RYR3: variants seen among roughly 807,000 people sequenced by gnomAD.
The protein encoded by RYR3 is brain ryanodine receptor-calcium release channel.
In RYR3, 207 loss-of-function variants were observed where a neutral mutation model predicts 584.3. The observed-to-expected ratio is 0.35, with a 90% CI of 0.32 to 0.40. RYR3 has a LOEUF of 0.40. Among genes scored for constraint, RYR3 ranks in the 10% least tolerant of loss-of-function variants. RYR3 has a pLI of 1.00. For missense variants in RYR3, 5,616 were observed against 6,089.2 expected (o/e 0.92, Z 2.59); for synonymous variants, 2,416 against 2,248.5 (o/e 1.07, Z -2.11).
intron 1 of RYR3, among the ~76,000 whole-genome samples, chr15:33,313,284 A>G (rs769801565): frequency 2.0e-5 from 3 of 152,224 alleles, no homozygotes; most frequent in Non-Finnish European, 2.9e-5. Context: ...TTGACAAGTT[A>G]TTGGTAATTT....
intron 97 of RYR3, 139 bp from the exon 98 acceptor site, chr15:33,854,627 G>C: frequency 8.4e-7 from 1 of 1,187,946 alleles, no homozygotes; most frequent in Non-Finnish European, 1.2e-6. Context: ...TCACTTAGCA[G>C]ATCTTGGGCC....
rs144546292 is a variant in RYR3 at position 33,345,890 on chromosome 15, T to C, written c.51+34794T>C. On this transcript the variant is annotated intron_variant, in intron 1 of 103. Coordinates refer to ENST00000634891, the MANE Select transcript of RYR3 (RefSeq NM_001036.6). ...CCCAGTAAAGCGGTTTGGCATACAT[T>C]TCTCTAAATGCTTTTTTGAATGTAT... Among the ~76,000 whole-genome samples, 4 of 152,350 alleles carry C rather than the reference T, an allele frequency of 2.6e-5. No individual in the cohort carries two copies. The East Asian group carries it at 7.7e-4, about 29-fold the overall frequency.
At chr15:33,813,284 C>T (rs2076643352) in intron 73 of RYR3, among the ~76,000 whole-genome samples, 183 bp from the exon 74 acceptor site, 1 of 152,218 alleles carries the variant, frequency 6.6e-6, no homozygotes, top group Non-Finnish European at 1.5e-5. Context: ...CTAAAAGCAA[C>T]TGGGAGAAAG....
chr15:33,718,018 G>A (rs1055626736), intron 43 of RYR3, among the ~76,000 whole-genome samples: 2 of 152,156 alleles, frequency 1.3e-5, no homozygotes, highest in African/African-American at 4.8e-5. Flanking sequence ...GTTCATACAA[G>A]TTGCCTGGCA....
At chr15:33,759,257 C>G (rs1039817683) in intron 60 of RYR3, among the ~76,000 whole-genome samples, 1 of 152,202 alleles carries the variant, frequency 6.6e-6, no homozygotes, top group Non-Finnish European at 1.5e-5. Context: ...GATCACAACC[C>G]CTCACCAGCA....
At chr15:33,343,334 T>TA (rs957251753) in intron 1 of RYR3, among the ~76,000 whole-genome samples, 5 of 152,154 alleles carry the variant, frequency 3.3e-5, no homozygotes, top group African/African-American at 9.7e-5. Context: ...AAATAAATTT[T>TA]AAAAAAACCC....
chr15:33,329,080 T>C (rs1256452027), intron 1 of RYR3, among the ~76,000 whole-genome samples: 1 of 152,302 alleles, frequency 6.6e-6, no homozygotes, highest in East Asian at 1.9e-4. Context: ...ACTTCTGTAG[T>C]TGTCTATCAA....
chr15:33,715,682 T>G, intron 43 of RYR3, among the ~76,000 whole-genome samples: 1 of 152,218 alleles, frequency 6.6e-6, no homozygotes, highest in East Asian at 1.9e-4. Flanking sequence ...GTAAGATTGA[T>G]GTCTGGGAGG....
intron 7 of RYR3, among the ~76,000 whole-genome samples, chr15:33,541,597 A>G (rs1441862700): frequency 2.0e-5 from 3 of 152,198 alleles, no homozygotes; most frequent in Non-Finnish European, 2.9e-5. Flanking sequence ...CATTATAGCA[A>G]GATCAGAATT....
intron 2 of RYR3, among the ~76,000 whole-genome samples, chr15:33,476,825 GAAACA>G (rs2049427083): frequency 6.6e-6 from 1 of 152,162 alleles, no homozygotes; most frequent in Non-Finnish European, 1.5e-5. Flanking sequence ...TTCTCACAGA[GAAACA>G]GGGTCAAATT....
chr15:33,814,900 C>CGAA (rs1322022771), intron 74 of RYR3, among the ~76,000 whole-genome samples: 25 of 91,792 alleles, frequency 2.7e-4, no homozygotes, highest in African/African-American at 1.0e-3. Flanking sequence ...GACTCTGTCT[C>CGAA]AAAAAAAAAA....
chr15:33,481,745 G>A (rs1352806560), intron 2 of RYR3, among the ~76,000 whole-genome samples: 7 of 150,418 alleles, frequency 4.7e-5, no homozygotes, highest in Non-Finnish European at 1.0e-4. Context: ...GTCTCCCAAA[G>A]TGCTGGGATT....
At chr15:33,597,484 G>A (rs975768953) in intron 16 of RYR3, among the ~76,000 whole-genome samples, 12 of 151,916 alleles carry the variant, frequency 7.9e-5, no homozygotes, top group Non-Finnish European at 7.4e-5. Context: ...GGTTGTGGGC[G>A]CCTGTATTCC....
chr15:33,813,507 A>C lies in RYR3; in HGVS notation c.10430A>C (p.Lys3477Thr), dbSNP rs1355899343. The change falls in exon 74 of 104, where the codon AAA (lysine) becomes ACA (threonine). Residue 3477 changes from lysine (K) to threonine (T), a missense_variant. Transcript: ENST00000634891. ...PLRSKKAVWH[K>T]LLSKQRKRAV... Reference sequence around the variant, plus strand: ...AGGTCCAAGAAGGCCGTCTGGCACAAACTGTTATCAAAGCAACGGAAACGG... The same window carrying C: ...AGGTCCAAGAAGGCCGTCTGGCACACACTGTTATCAAAGCAACGGAAACGG... 5.6e-6 allele frequency: 9 copies of C among 1,613,832 alleles called. No individual in the cohort carries two copies. The highest frequency in any genetic ancestry group is 6.8e-6 in the Non-Finnish European group (8 of 1,179,884).
chr15:33,542,096 G>A (rs2141162114), intron 7 of RYR3, among the ~76,000 whole-genome samples: 1 of 152,252 alleles, frequency 6.6e-6, no homozygotes, highest in African/African-American at 2.4e-5. Flanking sequence ...TTGTAATATA[G>A]TCTGGATAAC....
intron 2 of RYR3, among the ~76,000 whole-genome samples, chr15:33,487,697 G>A (rs2050581310): frequency 1.3e-5 from 2 of 152,274 alleles, no homozygotes; most frequent in Admixed American, 1.3e-4. Flanking sequence ...CGTTGTTCCT[G>A]TTGTGCCAGG....
At chr15:33,757,903 G>A (rs745778242) in intron 60 of RYR3, 4 of 335,804 alleles carry the variant, frequency 1.2e-5, no homozygotes, top group East Asian at 6.0e-5. Flanking sequence ...CGAGACCAAC[G>A]CAGAAGGAGA....
chr15:33,511,329 T>TAAAAA (rs34328973), intron 3 of RYR3, among the ~76,000 whole-genome samples: 2 of 119,372 alleles, frequency 1.7e-5, no homozygotes, highest in African/African-American at 3.1e-5. Context: ...TTTCTCTCTT[T>TAAAAA]AAAAAAAAAA....
At chr15:33,832,697 G>A (rs1013657218) in intron 86 of RYR3, among the ~76,000 whole-genome samples, 1 of 151,148 alleles carries the variant, frequency 6.6e-6, no homozygotes, top group African/African-American at 2.4e-5. Context: ...GAGTTCAGAG[G>A]AAAGCAAGCC....
Sources: allele counts gnomAD v4.1 joint callset (sites outside exome capture counted in the v4.1 genomes callset), GRCh38; gene constraint gnomAD v4.1.1; transcripts MANE v1.5; gene names NCBI Gene and HGNC (gene_info 2026-07-23, HGNC 2026-07-21).